The following MEIS1 variants were observed in gnomAD, a reference collection of about 807,000 sequenced individuals.
MEIS1 encodes homeobox protein Meis1.
In MEIS1, 5 loss-of-function variants were observed where a neutral mutation model predicts 50.8. The ratio of observed to expected loss-of-function variants is 0.10; its 90% CI spans 0.05 to 0.21. MEIS1 has a LOEUF of 0.21. Among genes scored for constraint, MEIS1 ranks in the 10% least tolerant of loss-of-function variants. The probability of loss-of-function intolerance (pLI) is 1.00; values close to 1 mark genes in which losing one functional copy is unlikely to be tolerated. For missense variants in MEIS1, 318 were observed against 517.3 expected (o/e 0.61, Z 3.74); for synonymous variants, 176 against 179.3 (o/e 0.98, Z 0.15).
rs967092234 is a variant in MEIS1, at chr2:66,553,767, G to A, written c.965+5748G>A. Among the ~76,000 whole-genome samples the A allele has an allele frequency of 2.8e-4, 42 of 152,050 alleles. 1 individual carries two copies. Among genetic ancestry groups the A allele is most frequent in the African/African-American group, 9.6e-4 (40 of 41,478 alleles). On this transcript the variant is annotated intron_variant, in intron 9 of 12. Transcript: ENST00000272369. ...CTCTGCAGTCTGTTAAATATACTTT[G>A]TTGTAAGTTTTACACCATAAGTTTA... is the stretch of plus-strand genomic sequence containing the variant.
intron 6 of MEIS1, among the ~76,000 whole-genome samples, chr2:66,444,275 C>T (rs934225650): frequency 2.0e-5 from 3 of 152,072 alleles, no homozygotes; most frequent in Admixed American, 6.5e-5. Flanking sequence ...CTTTGTTAAG[C>T]CAAAGGCCAG....
chr2:66,435,584 G>A lies in MEIS1; in HGVS notation c.-273G>A, dbSNP rs1377799263. 2.8e-6 allele frequency: 1 copy of A among 350,978 alleles called. No individual in the cohort carries two copies. The highest frequency in any genetic ancestry group is 2.2e-5 in the African/African-American group (1 of 45,484). The allele number at this position is 350,978 out of a possible 1,614,324, so 21.7% of individuals were successfully genotyped here. A position where few individuals can be genotyped will look rare whatever the true frequency, so the allele number is the denominator to read the frequency against. On this transcript the variant is annotated 5_prime_UTR_variant, in exon 1 of 13. Transcript: ENST00000272369. ...TTTTTTTTTTTTTAAACTGATTTTT[G>A]GGGGAGAGAAGATCTGCTTTTTTTT...
At chr2:66,481,731 G>T (rs1673020142) in intron 7 of MEIS1, among the ~76,000 whole-genome samples, 1 of 151,952 alleles carries the variant, frequency 6.6e-6, no homozygotes, top group Non-Finnish European at 1.5e-5. Context: ...GCATTTACCT[G>T]AGATTGGTTT....
intron 7 of MEIS1, among the ~76,000 whole-genome samples, chr2:66,475,294 T>G (rs1030251728): frequency 4.1e-5 from 6 of 146,712 alleles, no homozygotes; most frequent in Non-Finnish European, 7.5e-5. Flanking sequence ...AAATATAAAA[T>G]AAATTTATAT....
chr2:66,568,397 C>T (rs1675402932), intron 10 of MEIS1: 2 of 342,002 alleles, frequency 5.8e-6, no homozygotes, highest in Non-Finnish European at 1.1e-5. Context: ...TTTTTTCTTC[C>T]AACACCCATT....
chr2:66,514,438 T>G (rs1410194678), intron 8 of MEIS1, among the ~76,000 whole-genome samples: 2 of 152,174 alleles, frequency 1.3e-5, no homozygotes, highest in Non-Finnish European at 2.9e-5. Flanking sequence ...ACTGGGGCAA[T>G]TGTAATCGAA....
chr2:66,439,534 CA>C, intron 2 of MEIS1: 7 of 1,497,614 alleles, frequency 4.7e-6, no homozygotes, highest in Non-Finnish European at 6.2e-6. Context: ...AAACTTAATT[CA>C]AAATGGCTGC....
intron 7 of MEIS1, among the ~76,000 whole-genome samples, chr2:66,483,648 A>G (rs920664245): frequency 2.6e-5 from 4 of 152,182 alleles, no homozygotes; most frequent in African/African-American, 9.7e-5. Flanking sequence ...ACGCAGACTG[A>G]TAAAATTCTT....
intron 7 of MEIS1, among the ~76,000 whole-genome samples, chr2:66,483,625 T>A (rs889389963): frequency 1.3e-5 from 2 of 152,170 alleles, no homozygotes; most frequent in African/African-American, 4.8e-5. Context: ...AGGAAGTGAA[T>A]GGTTGAGAAG....
intron 1 of MEIS1, 166 bp from the exon 2 acceptor site, chr2:66,437,571 G>C: frequency 3.1e-6 from 2 of 639,762 alleles, no homozygotes; most frequent in Non-Finnish European, 5.6e-6. Context: ...TTTACTTAAA[G>C]CTTTAATTTT....
intron 8 of MEIS1, among the ~76,000 whole-genome samples, chr2:66,526,473 C>T (rs1025814003): frequency 1.3e-5 from 2 of 152,106 alleles, no homozygotes; most frequent in East Asian, 1.9e-4. Flanking sequence ...AGCAGAGCAG[C>T]GACTCTTGGA....
rs956260203 is a variant in MEIS1, at chr2:66,503,936, G to A, written c.743-8213G>A. On this transcript the variant is annotated intron_variant, in intron 7 of 12. Transcript: ENST00000272369. ...ATTTTTTTGTATTTTTGGTAGAGAC[G>A]GTGTTTCACCTTGTTAGCCAGGATG... is the stretch of plus-strand genomic sequence containing the variant. Among the ~76,000 whole-genome samples the A allele has an allele frequency of 4.6e-5, 7 of 151,730 alleles. No homozygotes were observed. In the East Asian group the frequency reaches 7.8e-4, roughly 17 times the overall value.
intron 6 of MEIS1, among the ~76,000 whole-genome samples, chr2:66,458,380 G>A (rs532389427): frequency 1.3e-5 from 2 of 152,304 alleles, no homozygotes; most frequent in African/African-American, 4.8e-5. Flanking sequence ...GCACACAGCA[G>A]CTGGGAGATA....
chr2:66,558,305 GA>G (rs1235493021), intron 9 of MEIS1, among the ~76,000 whole-genome samples: 105 of 100,152 alleles, frequency 1.0e-3, no homozygotes, highest in Middle Eastern at 6.0e-3. Flanking sequence ...AAAAAAAAAA[GA>G]AAAAAAGAAA....
At position 66,435,682 on chromosome 2, in the gene MEIS1, G is replaced by C. The variant is rs956738828; in HGVS notation, c.-175G>C. ...CGGGCGCTTTGCTTCAGGTCCCGTAGACCGAAGATCTGGGACCAGTAGCTC... is the reference window on the plus strand; with the variant it reads ...CGGGCGCTTTGCTTCAGGTCCCGTACACCGAAGATCTGGGACCAGTAGCTC... On this transcript the variant is annotated 5_prime_UTR_variant, in exon 1 of 13. The change abolishes the stop of an existing upstream ORF in the 5' untranslated region. Transcript: ENST00000272369. 1.8e-6 allele frequency: 1 copy of C among 547,238 alleles called. No individual in the cohort carries two copies. The highest frequency in any genetic ancestry group is 3.4e-5 in the East Asian group (1 of 29,362). 33.9% of individuals were successfully genotyped at this position (547,238 alleles called of 1,614,324 possible). A position where few individuals can be genotyped will look rare whatever the true frequency, so the allele number is the denominator to read the frequency against.
At chr2:66,501,069 TAGG>T (rs1210461374) in intron 7 of MEIS1, among the ~76,000 whole-genome samples, 23 of 152,158 alleles carry the variant, frequency 1.5e-4, no homozygotes, top group Admixed American at 1.3e-3. Context: ...TGTGGTTATG[TAGG>T]AGTTTATGAC....
intron 11 of MEIS1, 143 bp downstream of exon 11, chr2:66,568,899 A>G (rs1253885851): frequency 5.6e-6 from 6 of 1,064,920 alleles, no homozygotes; most frequent in African/African-American, 4.7e-5. Flanking sequence ...CATCTAAGAT[A>G]TTGCAGAGGG....
At chr2:66,484,912 A>G (rs775215389) in intron 7 of MEIS1, among the ~76,000 whole-genome samples, 1 of 152,178 alleles carries the variant, frequency 6.6e-6, no homozygotes, top group Non-Finnish European at 1.5e-5. Context: ...TTGGGGCACC[A>G]TACAGTGAAA....
chr2:66,485,073 T>C (rs1263707884), intron 7 of MEIS1, among the ~76,000 whole-genome samples: 1 of 151,072 alleles, frequency 6.6e-6, no homozygotes, highest in Non-Finnish European at 1.5e-5. Context: ...TTTTTCTTTA[T>C]TGTTGGCTTA....
Sources: gnomAD v4.1 joint callset for allele counts (sites outside exome capture counted in the v4.1 genomes callset) on GRCh38, gnomAD v4.1.1 for gene constraint, MANE v1.5 for transcripts, NCBI Gene and HGNC (gene_info 2026-07-23, HGNC 2026-07-21) for gene names.